Variants in MTG2 observed in about 807,000 individuals in gnomAD.
MTG2 encodes mitochondrial ribosome-associated GTPase 2.
Under a neutral mutation model 28.6 loss-of-function variants are expected in MTG2, and 23 were observed. The observed-to-expected ratio is 0.80, with a 90% CI of 0.58 to 1.14. The LOEUF (loss-of-function observed/expected upper bound fraction) is 1.14, where lower values mean the gene tolerates loss of function less well. Among genes scored for constraint, MTG2 ranks in the 50% most tolerant of loss-of-function variants. The pLI is 0.00. For synonymous variants in MTG2, 260 were observed against 251.8 expected, an observed-to-expected ratio of 1.03 and a Z score of -0.31; for missense variants, 539 against 552.0, an observed-to-expected ratio of 0.98 and a Z score of 0.24.
chr20:62,195,004 G>C (rs911338004), intron 2 of MTG2, among the ~76,000 whole-genome samples: 1 of 152,160 alleles, frequency 6.6e-6, no homozygotes, highest in Non-Finnish European at 1.5e-5. Flanking sequence ...AGACCATCCT[G>C]GCCAACACGG....
At chr20:62,199,633 G>A (rs1474509012) in intron 6 of MTG2, among the ~76,000 whole-genome samples, 110 of 119,114 alleles carry the variant, frequency 9.2e-4, no homozygotes, top group African/African-American at 3.3e-3. Context: ...GCGACAGAGC[G>A]AAACTCCATC....
chr20:62,203,267 G>T lies in MTG2; in HGVS notation c.*2190G>T, dbSNP rs564512125. The T allele has an allele frequency of 6.6e-6, 1 of 152,330 alleles. No individual in the cohort carries two copies. The highest frequency in any genetic ancestry group is 1.9e-4 in the East Asian group (1 of 5,170). The allele number at this position is 152,330 out of a possible 1,614,324, so 9.4% of individuals were successfully genotyped here. On this transcript the variant is annotated 3_prime_UTR_variant, in exon 7 of 7. Coordinates refer to ENST00000370823, the MANE Select transcript of MTG2 (RefSeq NM_015666.4). Reference sequence around the variant, plus strand: ...TCTGGGCCTGACTGTGGCTGCTCTGGGGACATGCCCTCGTCCTTTGCTGAA... The same window carrying T: ...TCTGGGCCTGACTGTGGCTGCTCTGTGGACATGCCCTCGTCCTTTGCTGAA...
rs2058206103 is a variant in MTG2, at chr20:62,203,381, C to G, written c.*2304C>G. 1 of 152,262 alleles carries G rather than the reference C, an allele frequency of 6.6e-6. No homozygotes were observed. Among genetic ancestry groups the G allele is most frequent in the African/African-American group, 2.4e-5 (1 of 41,468 alleles). 9.4% of individuals were successfully genotyped at this position (152,262 alleles called of 1,614,324 possible). ...AGCCCCAAGACTTCTCCCTGCCACA[C>G]ACACAGCTTTTGCCATCGCGTTCTA... is the stretch of plus-strand genomic sequence containing the variant. On this transcript the variant is annotated 3_prime_UTR_variant, in exon 7 of 7. Transcript: ENST00000370823.
At position 62,200,806 on chromosome 20, in the gene MTG2, C is replaced by T. The variant is rs769909865; in HGVS notation, c.950C>T (p.Pro317Leu). 6 of 1,613,760 alleles carry T rather than the reference C, an allele frequency of 3.7e-6. No individual in the cohort carries two copies. The highest frequency in any genetic ancestry group is 3.3e-5 in the South Asian group (3 of 91,080). Reference protein sequence around the residue: ...LFVVDLSQPEPWTQVDDLKYE... With the variant: ...LFVVDLSQPELWTQVDDLKYE... Reference sequence around the variant, plus strand: ...GTGGTGGATCTTTCTCAGCCTGAGCCGTGGACTCAAGTTGACGATTTAAAA... The same window carrying T: ...GTGGTGGATCTTTCTCAGCCTGAGCTGTGGACTCAAGTTGACGATTTAAAA... The change falls in exon 7 of 7, where the codon CCG (proline) becomes CTG (leucine). Residue 317 changes from proline to leucine, a missense_variant. Physicochemically the swap from Pro to Leu is moderately conservative, Grantham distance 98. Coordinates refer to ENST00000370823, the MANE Select transcript of MTG2 (RefSeq NM_015666.4).
intron 3 of MTG2, 111 bp downstream of exon 3, chr20:62,196,060 C>A: frequency 7.4e-7 from 1 of 1,355,324 alleles, no homozygotes; most frequent in East Asian, 2.5e-5. Context: ...TGCCTGTGAT[C>A]CCAGCACTTG....
Position 62,188,128 on chromosome 20 carries a change from CAA to C in MTG2, c.-6+5088_-6+5089del, listed in dbSNP as rs11474675. Among the ~76,000 whole-genome samples the C allele has an allele frequency of 6.3e-3, 769 of 121,748 alleles. 6 individuals are homozygous for C. Among genetic ancestry groups the C allele is most frequent in the African/African-American group, 0.022 (646 of 29,012 alleles). The allele number at this position is 121,748 out of a possible 152,430, so 79.9% of individuals were successfully genotyped here. On this transcript the variant is annotated intron_variant, in intron 1 of 6. Coordinates refer to ENST00000370823, the MANE Select transcript of MTG2 (RefSeq NM_015666.4). Reference sequence around the variant, plus strand: ...CCTGGGCGACAGTGCGAGACTGTCTCAAAAAAAAAAAAAAAAAATTCTGGTAT... The same window carrying C: ...CCTGGGCGACAGTGCGAGACTGTCTCAAAAAAAAAAAAAAAATTCTGGTAT...
intron 6 of MTG2, 95 bp from the exon 7 acceptor site, chr20:62,200,588 G>C: frequency 1.4e-6 from 2 of 1,428,302 alleles, no homozygotes; most frequent in Admixed American, 4.6e-5. Context: ...TTCGCAGTGG[G>C]CTCCAGGCCT....
rs777257040 is a variant in MTG2, at chr20:62,198,770, C to T, written c.605C>T (p.Ala202Val). 8 of 1,614,130 alleles carry T rather than the reference C, an allele frequency of 5.0e-6. No homozygotes were observed. The Admixed American group carries it at 1.3e-4, about 27-fold the overall frequency. Residue 202 changes from alanine (A) to valine (V), a missense_variant, in exon 5 of 7, where the codon GCC becomes GTC. Coordinates refer to ENST00000370823, the MANE Select transcript of MTG2 (RefSeq NM_015666.4). ...NRFFLANNNR[A>V]PVTCTPGQPG... ...TTCTTCCTGGCCAACAACAACCGTG[C>T]CCCTGTGACCTGTACCCCTGGACAG...
At chr20:62,192,951 C>T (rs1174535202) in intron 1 of MTG2, among the ~76,000 whole-genome samples, 1 of 152,222 alleles carries the variant, frequency 6.6e-6, no homozygotes, top group Non-Finnish European at 1.5e-5. Context: ...AGTTACTTTC[C>T]AGAGCCTGGG....
At chr20:62,188,322 C>T (rs1341984532) in intron 1 of MTG2, among the ~76,000 whole-genome samples, 2 of 152,058 alleles carry the variant, frequency 1.3e-5, no homozygotes, top group South Asian at 2.1e-4. Context: ...AGAATAGACC[C>T]TGTGGTTGGT....
intron 2 of MTG2, 53 bp downstream of exon 2, chr20:62,193,677 G>A: frequency 6.6e-7 from 1 of 1,525,588 alleles, no homozygotes; most frequent in Non-Finnish European, 8.9e-7. Flanking sequence ...AGAAGGCACA[G>A]GGTGTGGTTT....
At position 62,195,890 on chromosome 20, in the gene MTG2, A is replaced by G. The variant is rs2145853453; in HGVS notation, c.293A>G (p.Lys98Arg). 2.5e-6 allele frequency: 4 copies of G among 1,614,170 alleles called. No homozygotes were observed. The highest frequency in any genetic ancestry group is 2.7e-5 in the African/African-American group (2 of 75,060). Residue 98 changes from lysine to arginine, a missense_variant, in exon 3 of 7, where the codon AAG (lysine) becomes AGG (arginine). Coordinates refer to ENST00000370823, the MANE Select transcript of MTG2 (RefSeq NM_015666.4). Reference sequence around the variant, plus strand: ...AGCTGCTTCCACAGTGAGCCCCGCAAGGAGTTTGGAGGCCCTGATGGAGGG... The same window carrying G: ...AGCTGCTTCCACAGTGAGCCCCGCAGGGAGTTTGGAGGCCCTGATGGAGGG... The part of the protein sequence containing the change: ...GASCFHSEPR[K>R]EFGGPDGGDG...
chr20:62,196,547 T>C (rs1035535863), intron 3 of MTG2, among the ~76,000 whole-genome samples: 1 of 150,632 alleles, frequency 6.6e-6, no homozygotes, highest in Non-Finnish European at 1.5e-5. Flanking sequence ...TGGCACACAC[T>C]GATAGTCCCA....
At position 62,200,780 on chromosome 20, in the gene MTG2, C is replaced by T. The variant is rs778642978; in HGVS notation, c.924C>T (p.Phe308=). 6.8e-6 allele frequency: 11 copies of T among 1,613,678 alleles called. No homozygotes were observed. In the Admixed American group the frequency reaches 8.3e-5, roughly 12 times the overall value. The change falls in exon 7 of 7, where the codon TTC becomes TTT. Residue 308 remains phenylalanine, a synonymous_variant. Coordinates refer to ENST00000370823, the MANE Select transcript of MTG2 (RefSeq NM_015666.4). ...TCGAGCGCTGCCGCTTTCTCTTGTT[C>T]GTGGTGGATCTTTCTCAGCCTGAGC... The part of the protein sequence containing the change: ...RHIERCRFLL[F]VVDLSQPEPW...
chr20:62,195,650 G>A (rs778861210), intron 2 of MTG2, 152 bp from the exon 3 acceptor site: 45 of 924,618 alleles, frequency 4.9e-5, no homozygotes, highest in Middle Eastern at 2.4e-4. Context: ...TTTTATCTTC[G>A]GAATTTAGAA....
At position 62,197,944 on chromosome 20, in the gene MTG2, AGTGGCGCCGT is replaced by A; in HGVS notation, c.446_455del (p.Ser149ThrfsTer12). On this transcript the variant is annotated frameshift_variant, in exon 4 of 7. Coordinates refer to ENST00000370823, the MANE Select transcript of MTG2 (RefSeq NM_015666.4). LOFTEE classifies it high-confidence loss of function. ...AGGGAGTAAAAACTGCTTCGGGCGC[AGTGGCGCCGT>A]CCTCTACATCCGGGTGAGCCGAGAC... The A allele has an allele frequency of 1.2e-6, 2 of 1,614,080 alleles. No individual in the cohort carries two copies. Among genetic ancestry groups the A allele is most frequent in the Non-Finnish European group, 1.7e-6 (2 of 1,179,956 alleles).
At chr20:62,189,778 C>T (rs1388471264) in intron 1 of MTG2, among the ~76,000 whole-genome samples, 8 of 150,860 alleles carry the variant, frequency 5.3e-5, no homozygotes, top group Non-Finnish European at 1.0e-4. Context: ...AATTCTCCTG[C>T]CTCAGCCTCC....
chr20:62,198,002 GTTGTTCTGGATCAT>G (rs1183759845), intron 4 of MTG2, 35 bp downstream of exon 4: 1 of 1,587,336 alleles, frequency 6.3e-7, no homozygotes, highest in Non-Finnish European at 8.6e-7. Flanking sequence ...CCCTGTCCCC[GTTGTTCTGGATCAT>G]CCAGCTCCTG....
intron 1 of MTG2, among the ~76,000 whole-genome samples, chr20:62,192,417 G>A (rs978026778): frequency 6.6e-5 from 10 of 152,226 alleles, no homozygotes; most frequent in African/African-American, 2.4e-4. Flanking sequence ...TGTCCCCAGG[G>A]AGTTGTGTGG....
Sources: allele counts gnomAD v4.1 joint callset (sites outside exome capture counted in the v4.1 genomes callset), GRCh38; gene constraint gnomAD v4.1.1; transcripts MANE v1.5; gene names NCBI Gene and HGNC (gene_info 2026-07-23, HGNC 2026-07-21).